CTNNA3: variants seen among roughly 807,000 people sequenced by gnomAD.
The protein encoded by CTNNA3 is catenin alpha 3, also known as catenin alpha-3.
Under a neutral mutation model 95.7 loss-of-function variants are expected in CTNNA3, and 76 were observed. The ratio of observed to expected loss-of-function variants is 0.79; its 90% CI spans 0.66 to 0.96. CTNNA3 has a LOEUF of 0.96. Ranked by LOEUF, CTNNA3 falls within the 40% of genes least tolerant of loss-of-function variation. The pLI is 0.00. For synonymous variants in CTNNA3, 431 were observed against 374.4 expected (o/e 1.15, Z -1.74); for missense variants, 1,191 against 1,089.8 (o/e 1.09, Z -1.31).
intron 9 of CTNNA3, among the ~76,000 whole-genome samples, chr10:66,743,057 G>A (rs967826875): frequency 4.1e-4 from 62 of 151,874 alleles, no homozygotes; most frequent in Non-Finnish European, 7.8e-4. Flanking sequence ...TTATGTATTG[G>A]ACATAAGATC....
intron 5 of CTNNA3, among the ~76,000 whole-genome samples, chr10:67,274,890 T>C (rs1328282311): frequency 6.6e-6 from 1 of 152,128 alleles, no homozygotes; most frequent in Non-Finnish European, 1.5e-5. Flanking sequence ...ACATGATTAT[T>C]ATTTAATTTA....
intron 14 of CTNNA3, among the ~76,000 whole-genome samples, chr10:66,070,816 G>C (rs2080420152): frequency 6.6e-6 from 1 of 152,134 alleles, no homozygotes; most frequent in Admixed American, 6.6e-5. Flanking sequence ...GACTGACCCT[G>C]TTGTGGACAG....
intron 11 of CTNNA3, among the ~76,000 whole-genome samples, chr10:66,433,021 G>A (rs956567356): frequency 6.6e-6 from 1 of 152,152 alleles, no homozygotes; most frequent in African/African-American, 2.4e-5. Context: ...GTGTATATGT[G>A]CCACATTTTC....
At chr10:66,616,815 T>A (rs972642851) in intron 10 of CTNNA3, among the ~76,000 whole-genome samples, 16 of 152,166 alleles carry the variant, frequency 1.1e-4, no homozygotes, top group Admixed American at 6.6e-5. Flanking sequence ...TTGGTCAGTA[T>A]CTATACATAA....
chr10:66,444,538 G>T (rs1479634790), intron 11 of CTNNA3, among the ~76,000 whole-genome samples: 1 of 151,804 alleles, frequency 6.6e-6, no homozygotes, highest in Non-Finnish European at 1.5e-5. Context: ...TTAAAGAAAA[G>T]AATTTTCAAC....
intron 12 of CTNNA3, among the ~76,000 whole-genome samples, chr10:66,367,877 AATAATTATTATTATTATT>A (rs1349231571): frequency 0.025 from 1,140 of 46,530 alleles, 5 homozygotes; most frequent in Middle Eastern, 0.056. Flanking sequence ...TAATAATAAT[AATAATTATTATTATTATT>A]ATTATTATTA....
At chr10:66,846,702 A>G (rs1843296754) in intron 7 of CTNNA3, among the ~76,000 whole-genome samples, 1 of 152,172 alleles carries the variant, frequency 6.6e-6, no homozygotes, top group African/African-American at 2.4e-5. Context: ...CTTTTTAGGA[A>G]TGGATTTCTG....
intron 13 of CTNNA3, among the ~76,000 whole-genome samples, chr10:66,273,246 G>A (rs1322609118): frequency 6.6e-6 from 1 of 152,038 alleles, no homozygotes; most frequent in African/African-American, 2.4e-5. Context: ...TTGAACACAA[G>A]AACTGCAATA....
At chr10:67,501,917 T>A (rs1021805627) in intron 5 of CTNNA3, among the ~76,000 whole-genome samples, 4 of 152,206 alleles carry the variant, frequency 2.6e-5, no homozygotes, top group South Asian at 4.1e-4. Flanking sequence ...AGCATGCTCC[T>A]TGCCTCAGAG....
At chr10:66,373,496 AT>A (rs1360261447) in intron 12 of CTNNA3, among the ~76,000 whole-genome samples, 1 of 152,060 alleles carries the variant, frequency 6.6e-6, no homozygotes, top group Non-Finnish European at 1.5e-5. Flanking sequence ...CTGAGTTGTA[AT>A]TTAATTTCCA....
intron 9 of CTNNA3, among the ~76,000 whole-genome samples, chr10:66,755,494 G>C (rs1278571860): frequency 6.6e-6 from 1 of 151,966 alleles, no homozygotes; most frequent in Non-Finnish European, 1.5e-5. Context: ...TTTGTAATTA[G>C]GGAAATGCAA....
intron 11 of CTNNA3, among the ~76,000 whole-genome samples, chr10:66,406,005 AC>A (rs1366642072): frequency 6.6e-6 from 1 of 152,144 alleles, no homozygotes; most frequent in African/African-American, 2.4e-5. Flanking sequence ...GTTTCACTCC[AC>A]AGTGGAAAGA....
chr10:67,123,237 G>T (rs1446542391), intron 7 of CTNNA3, among the ~76,000 whole-genome samples: 1 of 152,098 alleles, frequency 6.6e-6, no homozygotes, highest in East Asian at 1.9e-4. Context: ...GAATAAAACT[G>T]ATAAGCTACA....
At chr10:65,931,196 T>C (rs1028367840) in intron 17 of CTNNA3, among the ~76,000 whole-genome samples, 4 of 152,172 alleles carry the variant, frequency 2.6e-5, no homozygotes, top group South Asian at 2.1e-4. Flanking sequence ...ACTGAAAAGA[T>C]GACTAGCTTT....
intron 11 of CTNNA3, among the ~76,000 whole-genome samples, chr10:66,401,091 T>G (rs542954837): frequency 2.0e-5 from 3 of 152,116 alleles, no homozygotes; most frequent in Admixed American, 1.3e-4. Context: ...AAATTATGAG[T>G]CCTTGAGTGT....
At position 67,057,551 on chromosome 10, in the gene CTNNA3, A is replaced by G. The variant is rs140006193; in HGVS notation, c.1047+122766T>C. 1.4e-3 allele frequency among the ~76,000 whole-genome samples: 216 copies of G among 152,260 alleles called. 4 individuals carry two copies. The highest frequency in any genetic ancestry group is 0.01 in the Admixed American group (158 of 15,282). Reference sequence around the variant, plus strand: ...CTGTGTCTGGCTTATTTCACTTAGTATAATGTCTTCTAGGTTTATCCATGT... The same window carrying G: ...CTGTGTCTGGCTTATTTCACTTAGTGTAATGTCTTCTAGGTTTATCCATGT... On this transcript the variant is annotated intron_variant, in intron 7 of 17. Transcript: ENST00000433211.
At chr10:66,027,059 T>C (rs925424658) in intron 15 of CTNNA3, among the ~76,000 whole-genome samples, 3 of 152,120 alleles carry the variant, frequency 2.0e-5, no homozygotes, top group African/African-American at 4.8e-5. Context: ...AAAATCATCT[T>C]ATTAATTTTT....
chr10:66,613,717 C>T (rs900614921), intron 10 of CTNNA3, among the ~76,000 whole-genome samples: 7 of 151,352 alleles, frequency 4.6e-5, no homozygotes, highest in Admixed American at 6.6e-5. Context: ...CATTATGACG[C>T]GACTGTTTGT....
intron 5 of CTNNA3, among the ~76,000 whole-genome samples, chr10:67,378,033 C>T (rs917571739): frequency 6.6e-6 from 1 of 152,114 alleles, no homozygotes; most frequent in Admixed American, 6.5e-5. Flanking sequence ...GCGCATGCCA[C>T]AAAACAAGGC....
Sources: allele counts gnomAD v4.1 joint callset (sites outside exome capture counted in the v4.1 genomes callset), GRCh38; gene constraint gnomAD v4.1.1; transcripts MANE v1.5; gene names NCBI Gene and HGNC (gene_info 2026-07-23, HGNC 2026-07-21).